RNF145: variants seen among roughly 807,000 people sequenced by gnomAD.
RNF145 encodes ring finger protein 145.
In RNF145, 12 loss-of-function variants were observed where a neutral mutation model predicts 57.3. That is an observed-to-expected ratio of 0.21 (90% CI 0.13 to 0.34). The LOEUF (loss-of-function observed/expected upper bound fraction) is 0.34, where lower values mean the gene tolerates loss of function less well. Ranked by LOEUF, RNF145 falls within the 10% of genes least tolerant of loss-of-function variation. RNF145 has a pLI of 1.00. For synonymous variants in RNF145, 262 were observed against 288.3 expected, an observed-to-expected ratio of 0.91 and a Z score of 0.92; for missense variants, 429 against 799.0, an observed-to-expected ratio of 0.54 and a Z score of 5.58.
chr5:159,169,712 T>C lies in RNF145; in HGVS notation c.905A>G (p.Tyr302Cys). 6.2e-7 allele frequency: 1 copy of C among 1,611,582 alleles called. No individual in the cohort carries two copies. Among genetic ancestry groups the C allele is most frequent in the Non-Finnish European group, 8.5e-7 (1 of 1,179,156 alleles). ...GGCAGGATCATTCATGAAAGCTCGA[T>C]AACCCTGCAAGTAAAACTTGCAGAG... ...LTLCKFYLQGYRAFMNDPAMN... is the reference protein window; with the variant it reads ...LTLCKFYLQGCRAFMNDPAMN... Residue 302 changes from tyrosine (Y) to cysteine (C), a missense_variant, in exon 7 of 11, where the codon TAT becomes TGT. By Grantham distance (194) the Tyr-to-Cys change is radical. Around this residue, in one of 4 missense-constraint regions of RNF145, gnomAD observed 216 missense variants for 457.6 expected, o/e 0.47. Coordinates refer to ENST00000424310, the MANE Select transcript of RNF145 (RefSeq NM_001199383.2).
intron 4 of RNF145, among the ~76,000 whole-genome samples, chr5:159,180,234 C>T (rs538124813): frequency 2.2e-4 from 34 of 152,174 alleles, no homozygotes; most frequent in Non-Finnish European, 4.0e-4. Flanking sequence ...TTTATGGGTT[C>T]TTCTGAAACC....
At chr5:159,174,711 C>T (rs1288351470) in intron 5 of RNF145, among the ~76,000 whole-genome samples, 1 of 151,862 alleles carries the variant, frequency 6.6e-6, no homozygotes, top group African/African-American at 2.4e-5. Context: ...CTTCCTCCTA[C>T]TGTGTTTTTA....
At chr5:159,200,085 G>T (rs1384893174) in intron 2 of RNF145, among the ~76,000 whole-genome samples, 1 of 152,108 alleles carries the variant, frequency 6.6e-6, no homozygotes, top group Non-Finnish European at 1.5e-5. Context: ...GAGCCCAGGA[G>T]TTCCAGGCCA....
At chr5:159,189,226 T>A (rs1323964333) in intron 3 of RNF145, among the ~76,000 whole-genome samples, 1 of 152,128 alleles carries the variant, frequency 6.6e-6, no homozygotes, top group Non-Finnish European at 1.5e-5. Flanking sequence ...GGGACTTGTA[T>A]CTAGAATATA....
intron 5 of RNF145, among the ~76,000 whole-genome samples, chr5:159,176,088 C>G (rs1165175160): frequency 1.3e-5 from 2 of 152,086 alleles, no homozygotes; most frequent in Non-Finnish European, 2.9e-5. Flanking sequence ...TAAATGAAAT[C>G]TATCATATTA....
At chr5:159,166,223 C>T (rs1206597795) in intron 8 of RNF145, among the ~76,000 whole-genome samples, 1 of 152,098 alleles carries the variant, frequency 6.6e-6, no homozygotes, top group Non-Finnish European at 1.5e-5. Flanking sequence ...TTTCTCTTTT[C>T]CTAAATGCCT....
intron 3 of RNF145, among the ~76,000 whole-genome samples, chr5:159,192,942 G>C (rs1289508801): frequency 6.6e-6 from 1 of 152,224 alleles, no homozygotes; most frequent in Admixed American, 6.5e-5. Flanking sequence ...AAAAGAGTAA[G>C]CAAAGATGGG....
intron 1 of RNF145, among the ~76,000 whole-genome samples, chr5:159,204,555 C>CAGCACTTTGGGA (rs1785800160): frequency 6.6e-6 from 1 of 151,992 alleles, no homozygotes; most frequent in South Asian, 2.1e-4. Context: ...CCTGTAATCC[C>CAGCACTTTGGGA]AGCACTTTGG....
At chr5:159,207,909 C>CTG in intron 1 of RNF145, 1 of 1,612,256 alleles carries the variant, frequency 6.2e-7, no homozygotes, top group Non-Finnish European at 8.5e-7. Context: ...GCCGCTCAGC[C>CTG]TGGGTCACGA....
Position 159,165,010 on chromosome 5 carries a change from C to T in RNF145, c.1122-1931G>A, listed in dbSNP as rs182482543. Among the ~76,000 whole-genome samples the T allele has an allele frequency of 1.6e-3, 250 of 152,284 alleles. 1 individual carries two copies. The highest frequency in any genetic ancestry group is 5.3e-3 in the African/African-American group (219 of 41,562). On this transcript the variant is annotated intron_variant, in intron 8 of 10. Coordinates refer to ENST00000424310, the MANE Select transcript of RNF145 (RefSeq NM_001199383.2). ...TTGTCCTCTAACTTGAGAATTAGGA[C>T]GCTTTTCCTTTCCTTTTTTAATTCC...
intron 3 of RNF145, among the ~76,000 whole-genome samples, chr5:159,194,321 G>A (rs1170098649): frequency 1.3e-5 from 2 of 152,138 alleles, no homozygotes; most frequent in Non-Finnish European, 1.5e-5. Flanking sequence ...ACAGGCGCCC[G>A]CCACCATGCC....
intron 2 of RNF145, among the ~76,000 whole-genome samples, chr5:159,202,349 T>C (rs1785699450): frequency 6.6e-6 from 1 of 152,210 alleles, no homozygotes; most frequent in South Asian, 2.1e-4. Context: ...ACAAAGCCTT[T>C]CATAAAAGGC....
rs543137493 is a variant in RNF145 at position 159,157,916 on chromosome 5, T to C, written c.*754A>G. 4.6e-5 allele frequency: 7 copies of C among 152,810 alleles called. No homozygotes were observed. The highest frequency in any genetic ancestry group is 1.0e-4 in the Non-Finnish European group (7 of 68,048). 9.5% of individuals were successfully genotyped at this position (152,810 alleles called of 1,614,324 possible). Reference sequence around the variant, plus strand: ...GACTCCAAAGTGTTCATCAGAGTTTTAGTTTACTTCACACAGCCAGCGAAG... The same window carrying C: ...GACTCCAAAGTGTTCATCAGAGTTTCAGTTTACTTCACACAGCCAGCGAAG... On this transcript the variant is annotated 3_prime_UTR_variant, in exon 11 of 11. Coordinates refer to ENST00000424310, the MANE Select transcript of RNF145 (RefSeq NM_001199383.2).
intron 10 of RNF145, chr5:159,161,055 C>A: frequency 2.0e-6 from 1 of 497,576 alleles, no homozygotes; most frequent in Non-Finnish European, 3.5e-6. Flanking sequence ...AACAACAATA[C>A]ATTAGAACCC....
At chr5:159,164,625 G>T (rs578179675) in intron 8 of RNF145, among the ~76,000 whole-genome samples, 11 of 151,792 alleles carry the variant, frequency 7.2e-5, no homozygotes, top group Non-Finnish European at 1.5e-4. Context: ...TTAAATAAAA[G>T]CAAATTTCAA....
At chr5:159,192,541 T>C (rs1328731180) in intron 3 of RNF145, among the ~76,000 whole-genome samples, 4 of 152,194 alleles carry the variant, frequency 2.6e-5, no homozygotes, top group Non-Finnish European at 4.4e-5. Flanking sequence ...TAAAATACCA[T>C]GTAAAAATCA....
At chr5:159,179,928 T>C (rs1200201584) in intron 4 of RNF145, among the ~76,000 whole-genome samples, 1 of 152,140 alleles carries the variant, frequency 6.6e-6, no homozygotes, top group East Asian at 1.9e-4. Context: ...GACTTATCCC[T>C]TACTCTAGAG....
intron 2 of RNF145, among the ~76,000 whole-genome samples, chr5:159,200,619 G>A (rs562918246): frequency 6.6e-6 from 1 of 152,150 alleles, no homozygotes; most frequent in South Asian, 2.1e-4. Context: ...GAATAAAGAA[G>A]GCTTTTCTAA....
chr5:159,168,147 T>A (rs1045389602), intron 8 of RNF145, among the ~76,000 whole-genome samples: 1 of 152,154 alleles, frequency 6.6e-6, no homozygotes, highest in African/African-American at 2.4e-5. Context: ...CTTTTATCCC[T>A]CACAAAAATT....
Sources: gnomAD v4.1 joint callset for allele counts (sites outside exome capture counted in the v4.1 genomes callset) on GRCh38, gnomAD v4.1.1 for gene constraint, gnomAD v4.1.1 regional missense constraint, MANE v1.5 for transcripts, NCBI Gene and HGNC (gene_info 2026-07-23, HGNC 2026-07-21) for gene names.